ACAA2: variants seen among roughly 807,000 people sequenced by gnomAD.
The protein encoded by ACAA2 is 3-ketoacyl-CoA thiolase, mitochondrial.
Under a neutral mutation model 44.8 loss-of-function variants are expected in ACAA2, and 35 were observed. That is an observed-to-expected ratio of 0.78 (90% CI 0.60 to 1.04). The LOEUF is 1.04. Ranked by LOEUF, ACAA2 falls within the 50% of genes least tolerant of loss-of-function variation. The pLI is 0.00. For missense variants in ACAA2, 468 were observed against 482.6 expected (o/e 0.97, Z 0.28); for synonymous variants, 142 against 166.5 (o/e 0.85, Z 1.13).
intron 7 of ACAA2, among the ~76,000 whole-genome samples, chr18:49,787,730 A>G (rs1035438107): frequency 3.9e-5 from 6 of 152,226 alleles, no homozygotes; most frequent in Non-Finnish European, 8.8e-5. Flanking sequence ...AGAGAATTAC[A>G]TGAAAAGTTC....
intron 2 of ACAA2, among the ~76,000 whole-genome samples, chr18:49,798,011 T>C (rs2023484990): frequency 6.6e-6 from 1 of 152,234 alleles, no homozygotes; most frequent in Non-Finnish European, 1.5e-5. Context: ...TAGAGTTATT[T>C]AAAAATGGAA....
At chr18:49,793,377 A>G (rs1430280644) in intron 5 of ACAA2, among the ~76,000 whole-genome samples, 1 of 152,248 alleles carries the variant, frequency 6.6e-6, no homozygotes, top group Admixed American at 6.5e-5. Flanking sequence ...TTAGATAAAT[A>G]GGGAAGGCAA....
intron 3 of ACAA2, among the ~76,000 whole-genome samples, chr18:49,796,353 C>T (rs1225927879): frequency 6.6e-6 from 1 of 152,188 alleles, no homozygotes; most frequent in Non-Finnish European, 1.5e-5. Flanking sequence ...CCAACACTTT[C>T]CACTGTTTGC....
intron 2 of ACAA2, among the ~76,000 whole-genome samples, chr18:49,801,814 A>ATATATATATCTC (rs1491158195): frequency 2.4e-4 from 33 of 134,998 alleles, no homozygotes; most frequent in African/African-American, 8.2e-4. Context: ...ATATATATAT[A>ATATATATATCTC]TCTTATCTTT....
At chr18:49,800,369 C>T (rs62100244) in intron 2 of ACAA2, among the ~76,000 whole-genome samples, 14,303 of 152,072 alleles carry the variant, frequency 0.094, 863 homozygotes, top group Middle Eastern at 0.15. Context: ...AGCCCCTCTG[C>T]CCGGCCACCA....
At position 49,792,230 on chromosome 18, in the gene ACAA2, G is replaced by A. The variant is rs750745750; in HGVS notation, c.675C>T (p.Pro225=). 6.2e-7 allele frequency: 1 copy of A among 1,613,830 alleles called. No individual in the cohort carries two copies. The highest frequency in any genetic ancestry group is 8.5e-7 in the Non-Finnish European group (1 of 1,179,810). ...QTMQVDEHAR[P]QTTLEQLQKL... Reference sequence around the variant, plus strand: ...TCTGTAACTGTTCCAGGGTGGTTTGGGGCCGAGCATGCTCGTCTACCTGCA... The same window carrying A: ...TCTGTAACTGTTCCAGGGTGGTTTGAGGCCGAGCATGCTCGTCTACCTGCA... The change falls in exon 6 of 10, where the codon CCC becomes CCT. Residue 225 remains proline (P), a synonymous_variant. Coordinates refer to ENST00000285093, the MANE Select transcript of ACAA2 (RefSeq NM_006111.3).
In ACAA2 at chr18:49,785,280, A is replaced by G; in HGVS notation, c.1026T>C (p.Asn342=). Residue 342 remains asparagine (N), a synonymous_variant, in exon 9 of 10, where the codon AAT becomes AAC. Transcript: ENST00000285093. ...RSLDLDISKT[N]VNGGAIALGH... ...CCAAAGCAATGGCTCCTCCATTCACATTGGTTTTACTTATGTCAAGATCCA... is the reference window on the plus strand; with the variant it reads ...CCAAAGCAATGGCTCCTCCATTCACGTTGGTTTTACTTATGTCAAGATCCA... 1.2e-6 allele frequency: 2 copies of G among 1,614,162 alleles called. No homozygotes were observed. Among genetic ancestry groups the G allele is most frequent in the Non-Finnish European group, 1.7e-6 (2 of 1,180,012 alleles).
rs2023408455 is a variant in ACAA2, at chr18:49,792,094, AT to A, written c.753+57del. ...AAAAGTATTTACAAGATACTTCATGATTACTTTTGTTGAACACACCAGGAAG... is the reference window on the plus strand; with the variant it reads ...AAAAGTATTTACAAGATACTTCATGATACTTTTGTTGAACACACCAGGAAG... On this transcript the variant is annotated intron_variant, in intron 6 of 9. Transcript: ENST00000285093. 3 of 1,407,668 alleles carry A rather than the reference AT, an allele frequency of 2.1e-6. No homozygotes were observed. The East Asian group carries it at 6.9e-5, about 32-fold the overall frequency. 87.2% of individuals were successfully genotyped at this position (1,407,668 alleles called of 1,614,324 possible).
intron 1 of ACAA2, among the ~76,000 whole-genome samples, chr18:49,810,395 G>A (rs1052256118): frequency 6.6e-6 from 1 of 152,100 alleles, no homozygotes; most frequent in African/African-American, 2.4e-5. Context: ...AAACAATAGA[G>A]CCTAATTTCA....
At chr18:49,795,072 C>T (rs533973435) in intron 4 of ACAA2, among the ~76,000 whole-genome samples, 8 of 152,280 alleles carry the variant, frequency 5.3e-5, no homozygotes, top group East Asian at 1.9e-4. Flanking sequence ...GGCTAAAATC[C>T]GCATAGATTC....
chr18:49,792,394 TATTC>T, intron 5 of ACAA2, 67 bp from the exon 6 acceptor site: 1 of 1,343,172 alleles, frequency 7.4e-7, no homozygotes, highest in African/African-American at 1.5e-5. Context: ...TCAAACATAT[TATTC>T]AATTTAATTT....
At chr18:49,785,986 A>G (rs2023324280) in intron 8 of ACAA2, 1 of 152,326 alleles carries the variant, frequency 6.6e-6, no homozygotes, top group African/African-American at 2.4e-5. Context: ...TGAAAAGTAT[A>G]TTATGTTATA....
chr18:49,785,650 T>C (rs1414235315), intron 8 of ACAA2: 3 of 351,452 alleles, frequency 8.5e-6, no homozygotes, highest in Non-Finnish European at 1.5e-5. Flanking sequence ...TAGAACTGGA[T>C]GGATGGTTCA....
At chr18:49,784,274 A>C (rs1314283157) in intron 9 of ACAA2, among the ~76,000 whole-genome samples, 1 of 152,172 alleles carries the variant, frequency 6.6e-6, no homozygotes, top group Non-Finnish European at 1.5e-5. Context: ...AAGAGGAGGT[A>C]ACTGGATAAA....
At chr18:49,791,652 A>G in intron 6 of ACAA2, 53 bp from the exon 7 acceptor site, 1 of 1,587,252 alleles carries the variant, frequency 6.3e-7, no homozygotes, top group Non-Finnish European at 8.6e-7. Context: ...CCAGTTAATC[A>G]AAGTTTGAAC....
intron 1 of ACAA2, among the ~76,000 whole-genome samples, chr18:49,812,466 C>T (rs1020346514): frequency 7.9e-5 from 12 of 152,130 alleles, no homozygotes; most frequent in African/African-American, 2.7e-4. Context: ...TTTACTCCAC[C>T]ACATCCAATC....
intron 7 of ACAA2, among the ~76,000 whole-genome samples, chr18:49,790,883 C>T (rs1249905990): frequency 1.3e-5 from 2 of 152,314 alleles, no homozygotes; most frequent in Middle Eastern, 3.4e-3. Flanking sequence ...TGAGACTATG[C>T]GTTTAACTCA....
chr18:49,790,629 C>T (rs931190579), intron 7 of ACAA2, among the ~76,000 whole-genome samples: 8 of 152,154 alleles, frequency 5.3e-5, no homozygotes, highest in Non-Finnish European at 1.2e-4. Context: ...AAGTAAGGCA[C>T]CTAATTGGTT....
chr18:49,801,812 A>ATATATATATATATATC lies in ACAA2; in HGVS notation c.183+874_183+875insGATATATATATATATA, dbSNP rs1347357878. On this transcript the variant is annotated intron_variant, in intron 2 of 9. Coordinates refer to ENST00000285093, the MANE Select transcript of ACAA2 (RefSeq NM_006111.3). ...TATATATATATATATATATATATAT[A>ATATATATATATATATC]TATCTTATCTTTTTCATTAGATTAT... Among the ~76,000 whole-genome samples the ATATATATATATATATC allele has an allele frequency of 5.9e-4, 85 of 143,296 alleles. 1 individual carries two copies. Among genetic ancestry groups the ATATATATATATATATC allele is most frequent in the African/African-American group, 1.7e-3 (65 of 38,686 alleles). The allele number at this position is 143,296 out of a possible 152,430, so 94.0% of individuals were successfully genotyped here.
Sources: allele counts gnomAD v4.1 joint callset (sites outside exome capture counted in the v4.1 genomes callset), GRCh38; gene constraint gnomAD v4.1.1; transcripts MANE v1.5; gene names NCBI Gene and HGNC (gene_info 2026-07-23, HGNC 2026-07-21).